DGKB: variants seen among roughly 807,000 people sequenced by gnomAD.
DGKB encodes the protein diacylglycerol kinase beta.
In DGKB, 67 loss-of-function variants were observed where a neutral mutation model predicts 114.3. The observed-to-expected ratio is 0.59, with a 90% CI of 0.48 to 0.72. The LOEUF is 0.72. Ranked by LOEUF, DGKB falls within the 30% of genes least tolerant of loss-of-function variation. DGKB has a pLI of 0.00. For missense variants in DGKB, 907 were observed against 975.2 expected, an observed-to-expected ratio of 0.93 and a Z score of 0.93; for synonymous variants, 398 against 323.1, an observed-to-expected ratio of 1.23 and a Z score of -2.49.
intron 21 of DGKB, among the ~76,000 whole-genome samples, chr7:14,374,365 C>T (rs192499695): frequency 5.7e-4 from 87 of 152,306 alleles, no homozygotes; most frequent in Non-Finnish European, 1.1e-3. Context: ...TCCCCATGGG[C>T]GCTCTTCCAT....
chr7:14,898,503 G>T (rs936121632), intron 1 of DGKB, among the ~76,000 whole-genome samples: 13 of 152,020 alleles, frequency 8.6e-5, no homozygotes, highest in African/African-American at 3.1e-4. Context: ...GTATGATCAA[G>T]ATTAAATATG....
chr7:14,636,289 A>C (rs1463259395), intron 13 of DGKB, among the ~76,000 whole-genome samples: 1 of 151,780 alleles, frequency 6.6e-6, no homozygotes, highest in Non-Finnish European at 1.5e-5. Flanking sequence ...TAATTAGAAT[A>C]TAATTACCCA....
At chr7:14,592,779 C>T (rs943793660) in intron 17 of DGKB, among the ~76,000 whole-genome samples, 8 of 150,928 alleles carry the variant, frequency 5.3e-5, no homozygotes, top group Admixed American at 2.7e-4. Context: ...CTGTGGGTTT[C>T]GATGTTTTAT....
chr7:14,289,960 A>C (rs1801497315), intron 23 of DGKB, among the ~76,000 whole-genome samples: 1 of 152,174 alleles, frequency 6.6e-6, no homozygotes, highest in Non-Finnish European at 1.5e-5. Flanking sequence ...CTGAACTACA[A>C]ACTCATTACT....
intron 23 of DGKB, among the ~76,000 whole-genome samples, chr7:14,229,335 A>G (rs529880739): frequency 5.9e-4 from 90 of 152,116 alleles, no homozygotes; most frequent in African/African-American, 2.1e-3. Context: ...ACAAATATAG[A>G]TGGTATAGTT....
At position 14,795,411 on chromosome 7, in the gene DGKB, A is replaced by G. The variant is rs56212561; in HGVS notation, c.71-37680T>C. ...CCTTATTGCAATGTAGAAGAAATAC[A>G]AAGGCTTAGGGATATATTGTAATGT... On this transcript the variant is annotated intron_variant, in intron 2 of 25. Coordinates refer to ENST00000402815, the MANE Select transcript of DGKB (RefSeq NM_001350709.2). Among the ~76,000 whole-genome samples the G allele has an allele frequency of 1.5e-3, 233 of 152,320 alleles. 1 individual carries two copies. The Middle Eastern group carries it at 0.02, about 13-fold the overall frequency.
At chr7:14,477,462 A>G (rs1168975789) in intron 21 of DGKB, among the ~76,000 whole-genome samples, 1 of 152,220 alleles carries the variant, frequency 6.6e-6, no homozygotes, top group Admixed American at 6.5e-5. Context: ...TAATTGAAGC[A>G]AAAGATAATT....
At chr7:14,170,174 A>C (rs941457511) in intron 25 of DGKB, among the ~76,000 whole-genome samples, 2 of 147,924 alleles carry the variant, frequency 1.4e-5, no homozygotes, top group Non-Finnish European at 3.0e-5. Flanking sequence ...AGAAAGAAAG[A>C]AAGAAAGAAA....
At chr7:14,262,366 T>G (rs1796906868) in intron 23 of DGKB, among the ~76,000 whole-genome samples, 1 of 152,132 alleles carries the variant, frequency 6.6e-6, no homozygotes, top group Non-Finnish European at 1.5e-5. Flanking sequence ...TAAAAGAGAT[T>G]AATTTTTTTA....
chr7:14,525,184 C>T (rs1056856574), intron 20 of DGKB, among the ~76,000 whole-genome samples: 17 of 152,146 alleles, frequency 1.1e-4, no homozygotes, highest in South Asian at 6.2e-4. Flanking sequence ...CTGTCATGAA[C>T]CCAAATGGAA....
upstream of DGKB, among the ~76,000 whole-genome samples, chr7:14,907,411 C>G (rs1443916844): frequency 6.6e-6 from 1 of 152,124 alleles, no homozygotes; most frequent in Non-Finnish European, 1.5e-5. Flanking sequence ...TTTTCTACAC[C>G]TTAGTTTTCT....
At chr7:14,456,089 TAACTC>T (rs1366350342) in intron 21 of DGKB, among the ~76,000 whole-genome samples, 1 of 152,028 alleles carries the variant, frequency 6.6e-6, no homozygotes, top group African/African-American at 2.4e-5. Flanking sequence ...CGTAAGTACT[TAACTC>T]AAACTCTGTT....
At chr7:14,622,217 T>C (rs1359277905) in intron 14 of DGKB, among the ~76,000 whole-genome samples, 1 of 152,142 alleles carries the variant, frequency 6.6e-6, no homozygotes, top group African/African-American at 2.4e-5. Flanking sequence ...TCTTACTCTT[T>C]GAAAACTTGC....
chr7:14,612,731 T>C (rs1232954071), intron 16 of DGKB, among the ~76,000 whole-genome samples: 1 of 152,084 alleles, frequency 6.6e-6, no homozygotes, highest in Non-Finnish European at 1.5e-5. Context: ...ACTGTCATCT[T>C]TAGGAAGACA....
chr7:14,608,696 A>T (rs891327573), intron 16 of DGKB, among the ~76,000 whole-genome samples: 1 of 152,162 alleles, frequency 6.6e-6, no homozygotes, highest in Middle Eastern at 3.4e-3. Flanking sequence ...AATTCCACCA[A>T]AAGGCTGTTA....
At chr7:14,418,188 TAAA>T (rs1377885311) in intron 21 of DGKB, among the ~76,000 whole-genome samples, 2 of 140,680 alleles carry the variant, frequency 1.4e-5, no homozygotes, top group Non-Finnish European at 3.1e-5. Flanking sequence ...AATATAAATA[TAAA>T]AAATTTTATA....
chr7:14,825,824 C>G (rs917921926), intron 2 of DGKB, among the ~76,000 whole-genome samples: 2 of 152,154 alleles, frequency 1.3e-5, no homozygotes, highest in African/African-American at 4.8e-5. Context: ...AATTAACTCT[C>G]TATGCAAAAC....
intron 20 of DGKB, among the ~76,000 whole-genome samples, chr7:14,502,380 T>A (rs1786331317): frequency 1.3e-5 from 2 of 151,900 alleles, no homozygotes; most frequent in Admixed American, 1.3e-4. Flanking sequence ...CTAATGCCCA[T>A]GAATCAAAGA....
intron 4 of DGKB, among the ~76,000 whole-genome samples, chr7:14,740,374 AG>A (rs1449018291): frequency 1.3e-5 from 2 of 152,146 alleles, no homozygotes; most frequent in East Asian, 1.9e-4. Flanking sequence ...CTGTGAGTAC[AG>A]GGGGCTTCTC....
Sources: allele counts gnomAD v4.1 joint callset (sites outside exome capture counted in the v4.1 genomes callset), GRCh38; gene constraint gnomAD v4.1.1; transcripts MANE v1.5; gene names NCBI Gene and HGNC (gene_info 2026-07-23, HGNC 2026-07-21).